TYW1B: variants seen among roughly 807,000 people sequenced by gnomAD.
TYW1B encodes the protein S-adenosyl-L-methionine-dependent tRNA 4-demethylwyosine synthase TYW1B.
In TYW1B, 73 loss-of-function variants were observed where a neutral mutation model predicts 86.9. That is an observed-to-expected ratio of 0.84 (90% CI 0.70 to 1.02). The LOEUF (loss-of-function observed/expected upper bound fraction) is 1.02. Among genes scored for constraint, TYW1B ranks in the 50% least tolerant of loss-of-function variants. The probability of loss-of-function intolerance (pLI) is 0.00; values close to 1 mark genes in which losing one functional copy is unlikely to be tolerated. For synonymous variants in TYW1B, 248 were observed against 292.8 expected, an observed-to-expected ratio of 0.85 and a Z score of 1.56; for missense variants, 637 against 827.4, an observed-to-expected ratio of 0.77 and a Z score of 2.82.
At chr7:72,690,305 T>TA (rs36032669) in intron 11 of TYW1B, among the ~76,000 whole-genome samples, 95,499 of 148,138 alleles carry the variant, frequency 0.64, 25,913 homozygotes, top group Middle Eastern at 0.73. Context: ...TCTCTTTTTT[T>TA]AAAAAAAGGA....
At chr7:72,617,004 T>C (rs1192913080) in intron 12 of TYW1B, among the ~76,000 whole-genome samples, 165 bp from the exon 13 acceptor site, 1 of 152,182 alleles carries the variant, frequency 6.6e-6, no homozygotes, top group South Asian at 2.1e-4. Flanking sequence ...TAGGAGACCA[T>C]ACAAGTAGCT....
intron 11 of TYW1B, among the ~76,000 whole-genome samples, chr7:72,687,310 C>T (rs1585903298): frequency 6.6e-6 from 1 of 152,270 alleles, no homozygotes; most frequent in South Asian, 2.1e-4. Context: ...TGGTGCATGC[C>T]TGTAATTCCA....
intron 6 of TYW1B, among the ~76,000 whole-genome samples, chr7:72,800,749 G>A (rs1190126341): frequency 5.4e-5 from 8 of 149,180 alleles, no homozygotes; most frequent in South Asian, 2.1e-4. Flanking sequence ...TGGGTGTGGC[G>A]GCTCATCCTT....
At chr7:72,615,798 A>C (rs1812058768) in intron 13 of TYW1B, among the ~76,000 whole-genome samples, 1 of 152,142 alleles carries the variant, frequency 6.6e-6, no homozygotes, top group Non-Finnish European at 1.5e-5. Flanking sequence ...CATAAAATAC[A>C]AAATTAAGAA....
chr7:72,782,295 T>C (rs781978374), intron 6 of TYW1B, among the ~76,000 whole-genome samples: 6 of 151,636 alleles, frequency 4.0e-5, no homozygotes, highest in Non-Finnish European at 7.4e-5. Context: ...TCTCTAAAAA[T>C]AAAAAAATTT....
intron 13 of TYW1B, among the ~76,000 whole-genome samples, chr7:72,577,636 G>A (rs1262935882): frequency 6.6e-6 from 1 of 152,192 alleles, no homozygotes; most frequent in East Asian, 1.9e-4. Flanking sequence ...GGTCACGCAG[G>A]CCCTTCCTCT....
At chr7:72,611,801 C>T (rs1485016452) in intron 13 of TYW1B, among the ~76,000 whole-genome samples, 3 of 152,138 alleles carry the variant, frequency 2.0e-5, no homozygotes, top group Non-Finnish European at 4.4e-5. Flanking sequence ...CTCAGATTCT[C>T]TCCTTTGTCC....
intron 2 of TYW1B, among the ~76,000 whole-genome samples, chr7:72,819,142 T>C (rs528306778): frequency 2.0e-5 from 3 of 152,076 alleles, no homozygotes; most frequent in South Asian, 4.2e-4. Context: ...CAGTGGAGGT[T>C]ATTAAGACTG....
chr7:72,796,751 C>A (rs1368403531), intron 6 of TYW1B, among the ~76,000 whole-genome samples: 1 of 150,272 alleles, frequency 6.7e-6, no homozygotes, highest in African/African-American at 2.4e-5. Context: ...GAAACCAGCC[C>A]TTTATCATAA....
rs782276936 is a variant in TYW1B at position 72,664,174 on chromosome 7, C to T, written c.1506+30513G>A. Among the ~76,000 whole-genome samples, 76 of 152,132 alleles carry T rather than the reference C, an allele frequency of 5.0e-4. No individual in the cohort carries two copies. In the Middle Eastern group the frequency reaches 0.017, roughly 34 times the overall value. ...CTTGCCAAACATTATGACAATCTGCCGTCCATCTCCACCAAACCATTGAGA... is the reference window on the plus strand; with the variant it reads ...CTTGCCAAACATTATGACAATCTGCTGTCCATCTCCACCAAACCATTGAGA... On this transcript the variant is annotated intron_variant, in intron 11 of 13. Transcript: ENST00000620995.
rs145510880 is a variant in TYW1B, at chr7:72,648,411, C to T, written c.1507-19414G>A. Among the ~76,000 whole-genome samples, 616 of 151,976 alleles carry T rather than the reference C, an allele frequency of 4.1e-3. 3 individuals are homozygous for T. The highest frequency in any genetic ancestry group is 0.014 in the African/African-American group (581 of 41,438). ...TACAAAAATTAGCTGGACTTGGTAG[C>T]GCATGCCTGTAAACTCAGCTACTCG... On this transcript the variant is annotated intron_variant, in intron 11 of 13. Coordinates refer to ENST00000620995, the MANE Select transcript of TYW1B (RefSeq NM_001145440.3).
chr7:72,624,318 T>G (rs150523488), intron 12 of TYW1B, among the ~76,000 whole-genome samples: 5 of 152,294 alleles, frequency 3.3e-5, no homozygotes, highest in African/African-American at 1.2e-4. Flanking sequence ...AAAGTAAAAT[T>G]AATAAACATT....
chr7:72,823,350 G>A (rs1472074902), intron 2 of TYW1B, among the ~76,000 whole-genome samples: 7 of 151,568 alleles, frequency 4.6e-5, no homozygotes, highest in East Asian at 2.0e-4. Context: ...GGCCGGGCAC[G>A]GTGGCTCACG....
intron 11 of TYW1B, among the ~76,000 whole-genome samples, chr7:72,639,165 A>T (rs1285402951): frequency 6.6e-6 from 1 of 152,280 alleles, no homozygotes; most frequent in East Asian, 1.9e-4. Context: ...AATGAGATAC[A>T]TTTGAATTTT....
intron 9 of TYW1B, among the ~76,000 whole-genome samples, chr7:72,724,643 C>A (rs782394969): frequency 1.6e-4 from 24 of 152,122 alleles, no homozygotes; most frequent in Admixed American, 9.2e-4. Context: ...CAAATATCAA[C>A]CAGTTCCACT....
At chr7:72,628,752 C>T (rs1563036737) in intron 12 of TYW1B, 135 bp downstream of exon 12, 7 of 655,534 alleles carry the variant, frequency 1.1e-5, no homozygotes, top group South Asian at 6.1e-5. Context: ...TGATGAATAT[C>T]GATCACGAAA....
At chr7:72,640,040 A>G (rs189990318) in intron 11 of TYW1B, among the ~76,000 whole-genome samples, 1 of 152,172 alleles carries the variant, frequency 6.6e-6, no homozygotes, top group Non-Finnish European at 1.5e-5. Flanking sequence ...TAATAAGTCA[A>G]GCATGCCTGC....
chr7:72,740,106 G>A (rs554603705), intron 8 of TYW1B, among the ~76,000 whole-genome samples: 18 of 150,396 alleles, frequency 1.2e-4, no homozygotes, highest in South Asian at 4.3e-4. Context: ...GGTGGCGGGC[G>A]CCTGCAATCC....
intron 11 of TYW1B, among the ~76,000 whole-genome samples, chr7:72,689,193 G>A (rs1814080951): frequency 6.6e-6 from 1 of 152,092 alleles, no homozygotes; most frequent in Non-Finnish European, 1.5e-5. Flanking sequence ...AACCAAATAG[G>A]TCAATAAGAA....
Sources: allele counts gnomAD v4.1 joint callset (sites outside exome capture counted in the v4.1 genomes callset), GRCh38; gene constraint gnomAD v4.1.1; transcripts MANE v1.5; gene names NCBI Gene and HGNC (gene_info 2026-07-23, HGNC 2026-07-21).